The following IQSEC3 variants were observed in gnomAD, a reference collection of about 807,000 sequenced individuals.
The protein encoded by IQSEC3 is IQ motif and Sec7 domain ArfGEF 3.
Under a neutral mutation model 105.4 loss-of-function variants are expected in IQSEC3, and 50 were observed. The observed-to-expected ratio is 0.47, with a 90% confidence interval of 0.38 to 0.60. IQSEC3 has a LOEUF of 0.60. Ranked by LOEUF, IQSEC3 falls within the 20% of genes least tolerant of loss-of-function variation. IQSEC3 has a pLI of 0.00. For synonymous variants in IQSEC3, 708 were observed against 746.0 expected (o/e 0.95, Z 0.83); for missense variants, 1,415 against 1,630.0 (o/e 0.87, Z 2.27).
At chr12:86,751 C>A (rs1863929790) in intron 1 of IQSEC3, among the ~76,000 whole-genome samples, 1 of 152,094 alleles carries the variant, frequency 6.6e-6, no homozygotes, top group Non-Finnish European at 1.5e-5. Flanking sequence ...TCTTGTTTGA[C>A]CTTCACAACA....
Position 141,193 on chromosome 12 carries a change from C to T in IQSEC3, c.2061C>T (p.Ala687=). The part of the protein sequence containing the change: ...GFIPDTPIGV[A]HFLLQRKGLS... ...TCCCGGACACCCCCATCGGTGTGGCCCATTTCCTCCTCCAGCGAAAGGGCC... is the reference window on the plus strand; with the variant it reads ...TCCCGGACACCCCCATCGGTGTGGCTCATTTCCTCCTCCAGCGAAAGGGCC... The change falls in exon 5 of 14, where the codon GCC becomes GCT. Residue 687 remains alanine, a synonymous_variant. Transcript: ENST00000538872. The T allele has an allele frequency of 9.9e-6, 16 of 1,613,782 alleles. No homozygotes were observed. Among genetic ancestry groups the T allele is most frequent in the Non-Finnish European group, 1.4e-5 (16 of 1,179,960 alleles).
intron 2 of IQSEC3, among the ~76,000 whole-genome samples, chr12:109,377 G>A (rs184665836): frequency 3.9e-5 from 6 of 152,028 alleles, no homozygotes; most frequent in African/African-American, 9.7e-5. Context: ...ACCCTAGTTC[G>A]GATCTTCCTT....
intron 2 of IQSEC3, among the ~76,000 whole-genome samples, chr12:105,189 G>A (rs1555077559): frequency 2.0e-5 from 3 of 152,386 alleles, no homozygotes; most frequent in African/African-American, 7.2e-5. Flanking sequence ...AGCGATGGCG[G>A]CAGGGGAGGT....
intron 2 of IQSEC3, among the ~76,000 whole-genome samples, chr12:109,422 C>A (rs1106983): frequency 0.3 from 46,166 of 152,030 alleles, 7,251 homozygotes; most frequent in Non-Finnish European, 0.33. Flanking sequence ...GCCTTACTGA[C>A]GGCTGCCCCT....
chr12:86,616 C>T (rs577752729), intron 1 of IQSEC3, among the ~76,000 whole-genome samples: 34 of 152,220 alleles, frequency 2.2e-4, no homozygotes, highest in African/African-American at 7.9e-4. Context: ...AGGAAAATAG[C>T]AAAGACGGAC....
Position 79,851 on chromosome 12 carries a change from C to G in IQSEC3, c.554+12415C>G, listed in dbSNP as rs73599193. 9.3e-3 allele frequency among the ~76,000 whole-genome samples: 1,410 copies of G among 152,286 alleles called. 16 individuals carry two copies. Among genetic ancestry groups the G allele is most frequent in the African/African-American group, 0.031 (1,290 of 41,548 alleles). On this transcript the variant is annotated intron_variant, in intron 1 of 13. Transcript: ENST00000538872. Reference sequence around the variant, plus strand: ...CCTTCCAGCAACCACTATTATTTCTCACGTCTTTCCAGCTATATGTACATT... The same window carrying G: ...CCTTCCAGCAACCACTATTATTTCTGACGTCTTTCCAGCTATATGTACATT...
In IQSEC3 at chr12:171,155, G is replaced by A. The variant is rs781921150; in HGVS notation, c.3108G>A (p.Thr1036=). 1.1e-5 allele frequency: 18 copies of A among 1,613,966 alleles called. No individual in the cohort carries two copies. In the Admixed American group the frequency reaches 2.0e-4, roughly 18 times the overall value. ...TCAGGGAGAGGCCGGCGGAGAGCACGGTGGAGGTAAGTGGAGCCCTGGTTG... is the reference window on the plus strand; with the variant it reads ...TCAGGGAGAGGCCGGCGGAGAGCACAGTGGAGGTAAGTGGAGCCCTGGTTG... ...AALRERPAES[T]VEVSIHNRLQ... is the part of the protein sequence containing the mutation. The change falls in exon 13 of 14, where the codon ACG becomes ACA. Residue 1036 remains threonine (T), a synonymous_variant. Transcript: ENST00000538872.
Position 139,115 on chromosome 12 carries a change from G to C in IQSEC3, c.1752G>C (p.Gly584=). 6.6e-7 allele frequency: 1 copy of C among 1,511,176 alleles called. No homozygotes were observed. The highest frequency in any genetic ancestry group is 8.9e-7 in the Non-Finnish European group (1 of 1,127,854). 93.6% of individuals were successfully genotyped at this position (1,511,176 alleles called of 1,614,324 possible). A position where few individuals can be genotyped will look rare whatever the true frequency, so the allele number is the denominator to read the frequency against. Residue 584 remains glycine, a synonymous_variant, in exon 4 of 14, where the codon GGG becomes GGC. Transcript: ENST00000538872. ...EEEEEETAEV[G]RGAEAEAGDL... is the part of the protein sequence containing the mutation. ...AGGAGGAGGAGACGGCGGAGGTGGG[G>C]AGAGGGGCCGAGGCCGAGGCAGGCG...
chr12:68,234 AAGGAGGGTTTTTCATAC>A (rs1258853073), intron 1 of IQSEC3, among the ~76,000 whole-genome samples: 7 of 150,360 alleles, frequency 4.7e-5, no homozygotes, highest in Non-Finnish European at 1.0e-4. Flanking sequence ...CCTCCAACTC[AAGGAGGGTTTTTCATAC>A]AGGGTGTTTG....
intron 2 of IQSEC3, chr12:106,390 G>C (rs1555077910): frequency 6.6e-6 from 1 of 152,282 alleles, no homozygotes; most frequent in Admixed American, 6.5e-5. Flanking sequence ...GGGTGGCTGA[G>C]AGCACATAGG....
At chr12:71,736 A>G (rs1354834335) in intron 1 of IQSEC3, among the ~76,000 whole-genome samples, 1 of 152,276 alleles carries the variant, frequency 6.6e-6, no homozygotes, top group Admixed American at 6.5e-5. Context: ...CTCAACACAC[A>G]GGGACTTTGT....
intron 5 of IQSEC3, among the ~76,000 whole-genome samples, chr12:142,804 G>A (rs1240430262): frequency 2.6e-5 from 4 of 152,096 alleles, no homozygotes; most frequent in African/African-American, 7.2e-5. Context: ...ATTTCCTCAC[G>A]CCCTTCCTTT....
chr12:161,986 A>G lies in IQSEC3; in HGVS notation c.2504A>G (p.Gln835Arg). 6.2e-7 allele frequency: 1 copy of G among 1,613,702 alleles called. No individual in the cohort carries two copies. The highest frequency in any genetic ancestry group is 8.5e-7 in the Non-Finnish European group (1 of 1,179,944). ...ELVVGIYERIQQKELKSNEDH... is the reference protein window; with the variant it reads ...ELVVGIYERIRQKELKSNEDH... ...GTGGTAGGCATCTATGAGAGGATAC[A>G]GCAGAAGGAGCTCAAGTCCAATGAG... Residue 835 changes from glutamine to arginine, a missense_variant, in exon 8 of 14, where the codon CAG (glutamine) becomes CGG (arginine). Around this residue, in one of 6 missense-constraint regions of IQSEC3, gnomAD observed 213 missense variants for 306.2 expected, o/e 0.70. Coordinates refer to ENST00000538872, the MANE Select transcript of IQSEC3 (RefSeq NM_001170738.2).
intron 3 of IQSEC3, among the ~76,000 whole-genome samples, chr12:132,460 T>C (rs1555085377): frequency 6.6e-6 from 1 of 152,118 alleles, no homozygotes; most frequent in Middle Eastern, 3.2e-3. Context: ...TGGGTCTGGT[T>C]CTGCAGTGTA....
intron 2 of IQSEC3, among the ~76,000 whole-genome samples, chr12:109,106 T>C (rs926446284): frequency 6.6e-6 from 1 of 152,272 alleles, no homozygotes; most frequent in African/African-American, 2.4e-5. Flanking sequence ...ACTTCAGGGA[T>C]TGCAAACTGG....
At chr12:156,971 T>C (rs1866709067) in intron 5 of IQSEC3, 54 bp from the exon 6 acceptor site, 3 of 1,493,938 alleles carry the variant, frequency 2.0e-6, no homozygotes, top group South Asian at 1.4e-5. Flanking sequence ...AGAATGGGTG[T>C]TGGAGGGTGC....
Position 141,177 on chromosome 12 carries a change from C to A in IQSEC3, c.2045C>A (p.Thr682Asn). 3 of 1,613,618 alleles carry A rather than the reference C, an allele frequency of 1.9e-6. No individual in the cohort carries two copies. Among genetic ancestry groups the A allele is most frequent in the Non-Finnish European group, 2.5e-6 (3 of 1,179,894 alleles). ...FLISRGFIPD[T>N]PIGVAHFLLQ... Reference sequence around the variant, plus strand: ...ATCTCACGCGGCTTCATCCCGGACACCCCCATCGGTGTGGCCCATTTCCTC... The same window carrying A: ...ATCTCACGCGGCTTCATCCCGGACAACCCCATCGGTGTGGCCCATTTCCTC... Residue 682 changes from threonine (T) to asparagine (N), a missense_variant, in exon 5 of 14, where the codon ACC becomes AAC. Transcript: ENST00000538872.
chr12:128,506 T>C (rs1260350371), intron 3 of IQSEC3, among the ~76,000 whole-genome samples: 1 of 152,036 alleles, frequency 6.6e-6, no homozygotes, highest in African/African-American at 2.4e-5. Flanking sequence ...CCGTGTTCCA[T>C]GGCCTGGGAG....
chr12:170,957 C>A (rs1555100048), intron 12 of IQSEC3, among the ~76,000 whole-genome samples, 155 bp from the exon 13 acceptor site: 2 of 152,224 alleles, frequency 1.3e-5, no homozygotes, highest in Non-Finnish European at 2.9e-5. Context: ...GGTCACATAG[C>A]TCCTAAGTGG....
Sources: allele counts gnomAD v4.1 joint callset (sites outside exome capture counted in the v4.1 genomes callset), GRCh38; gene constraint gnomAD v4.1.1; regional missense constraint gnomAD v4.1.1; transcripts MANE v1.5; gene names NCBI Gene and HGNC (gene_info 2026-07-23, HGNC 2026-07-21).